The following KDM2A variants were observed in gnomAD, a reference collection of about 807,000 sequenced individuals.
KDM2A encodes lysine demethylase 2A.
KDM2A carries 3 observed loss-of-function variants against 137.3 expected under a neutral mutation model. The ratio of observed to expected loss-of-function variants is 0.02; its 90% CI spans 0.01 to 0.06. The LOEUF is 0.06. Ranked by LOEUF, KDM2A falls within the 10% of genes least tolerant of loss-of-function variation. The probability of loss-of-function intolerance (pLI) is 1.00; values close to 1 mark genes in which losing one functional copy is unlikely to be tolerated. For synonymous variants in KDM2A, 512 were observed against 541.5 expected (o/e 0.95, Z 0.76); for missense variants, 738 against 1,510.6 (o/e 0.49, Z 8.48).
rs139631145 is a variant in KDM2A, at chr11:67,177,918, A to G, written c.43-2161A>G. On this transcript the variant is annotated intron_variant, in intron 2 of 20. Coordinates refer to ENST00000529006, the MANE Select transcript of KDM2A (RefSeq NM_012308.3). The stretch of plus-strand genomic sequence containing the variant: ...ATGTCCTGATGGCAACAGTGTCACT[A>G]AGAGATAAGCATTTTTTAGTTCTAC... Among the ~76,000 whole-genome samples the G allele has an allele frequency of 1.4e-3, 208 of 152,288 alleles. 6 individuals are homozygous for G. In the East Asian group the frequency reaches 0.034, roughly 25 times the overall value.
chr11:67,233,650 CT>C, intron 12 of KDM2A, among the ~76,000 whole-genome samples: 1 of 43,358 alleles, frequency 2.3e-5, no homozygotes, highest in African/African-American at 3.6e-5. Context: ...GAAACCCTGT[CT>C]CAACAACAAC....
chr11:67,126,571 G>A (rs1343560943), intron 2 of KDM2A, among the ~76,000 whole-genome samples: 3 of 152,008 alleles, frequency 2.0e-5, no homozygotes, highest in African/African-American at 7.2e-5. Context: ...AGCCGGATGT[G>A]GTGGCAGGCG....
intron 9 of KDM2A, 74 bp from the exon 10 acceptor site, chr11:67,219,214 T>C: frequency 3.3e-6 from 2 of 601,380 alleles, no homozygotes; most frequent in East Asian, 6.5e-5. Flanking sequence ...TCTAGGGGTC[T>C]TGTACTAGTT....
chr11:67,157,832 G>T (rs1856552694), intron 2 of KDM2A, among the ~76,000 whole-genome samples: 1 of 152,000 alleles, frequency 6.6e-6, no homozygotes, highest in South Asian at 2.1e-4. Context: ...TAAGCTGGGT[G>T]TGGGTACCTG....
chr11:67,148,379 C>T (rs1448577720), intron 2 of KDM2A, among the ~76,000 whole-genome samples: 2 of 152,004 alleles, frequency 1.3e-5, no homozygotes, highest in Non-Finnish European at 2.9e-5. Flanking sequence ...TGTGATTGCA[C>T]CACTGCATTC....
At chr11:67,189,832 CTG>C (rs1775955338) in intron 5 of KDM2A, among the ~76,000 whole-genome samples, 1 of 152,028 alleles carries the variant, frequency 6.6e-6, no homozygotes, top group South Asian at 2.1e-4. Flanking sequence ...AAGTGAGACT[CTG>C]TGTCAAAAAA....
intron 5 of KDM2A, among the ~76,000 whole-genome samples, chr11:67,199,497 T>A (rs988844681): frequency 6.6e-6 from 1 of 152,290 alleles, no homozygotes; most frequent in South Asian, 2.1e-4. Context: ...AACAGCCTTA[T>A]CACTGATAAC....
rs74235910 is a variant in KDM2A, at chr11:67,205,460, T to C, written c.308-2050T>C. ...GATACATCCAGCCAGGGCAGGTGTT[T>C]GTTCGTCTTACAAGGAAGACAATAG... On this transcript the variant is annotated intron_variant, in intron 5 of 20. Transcript: ENST00000529006. Among the ~76,000 whole-genome samples, 221 of 152,250 alleles carry C rather than the reference T, an allele frequency of 1.5e-3. 4 individuals are homozygous for C. In the East Asian group the frequency reaches 0.031, roughly 22 times the overall value.
chr11:67,211,337 G>A (rs1287528955), intron 6 of KDM2A, among the ~76,000 whole-genome samples: 1 of 152,048 alleles, frequency 6.6e-6, no homozygotes. Flanking sequence ...AAATAAGCCA[G>A]GTGCGGTAGC....
intron 2 of KDM2A, among the ~76,000 whole-genome samples, chr11:67,158,310 C>T (rs1856566053): frequency 1.3e-5 from 2 of 152,122 alleles, no homozygotes; most frequent in East Asian, 3.8e-4. Flanking sequence ...TTTCATAGTT[C>T]ATTTATTCAT....
At chr11:67,180,884 A>G (rs1416082178) in intron 3 of KDM2A, among the ~76,000 whole-genome samples, 7 of 149,456 alleles carry the variant, frequency 4.7e-5, no homozygotes, top group Non-Finnish European at 3.0e-5. Flanking sequence ...CTGGTCTCGA[A>G]CTCCTGACCT....
intron 2 of KDM2A, among the ~76,000 whole-genome samples, chr11:67,132,492 G>T (rs1362045707): frequency 6.6e-6 from 1 of 152,048 alleles, no homozygotes; most frequent in Non-Finnish European, 1.5e-5. Context: ...AACTATTATT[G>T]GCCAGGCTGG....
intron 2 of KDM2A, among the ~76,000 whole-genome samples, chr11:67,145,920 C>T (rs140296738): frequency 1.3e-3 from 193 of 149,962 alleles, no homozygotes; most frequent in African/African-American, 3.9e-3. Context: ...GAACTGTATC[C>T]GGGAGATTTT....
chr11:67,245,219 G>A lies in KDM2A; in HGVS notation c.1594G>A (p.Val532Ile), dbSNP rs1460334619. 6.2e-7 allele frequency: 1 copy of A among 1,613,902 alleles called. No individual in the cohort carries two copies. Among genetic ancestry groups the A allele is most frequent in the South Asian group, 1.1e-5 (1 of 91,078 alleles). ...LKFPTRPKVR[V>I]PTIPITKPHT... ...ATTCCCCACTCGGCCAAAGGTGCGG[G>A]TTCCTACCATCCCCATTACGAAGCC... Residue 532 changes from valine (V) to isoleucine (I), a missense_variant, in exon 14 of 21, where the codon GTT becomes ATT. Physicochemically the swap from Val to Ile is conservative, Grantham distance 29 (BLOSUM62 3). Around this residue, in one of 9 missense-constraint regions of KDM2A, gnomAD observed 71 missense variants for 147.9 expected, o/e 0.48. Transcript: ENST00000529006. This position sits in a 1 kb window ranked among gnomAD's most constrained non-coding sequence, Gnocchi z 4.1.
chr11:67,239,388 A>T (rs1157146265), intron 12 of KDM2A, among the ~76,000 whole-genome samples: 1 of 152,170 alleles, frequency 6.6e-6, no homozygotes, highest in Admixed American at 6.5e-5. Flanking sequence ...AGAAGCAGGC[A>T]TCTGTTTTAG....
intron 5 of KDM2A, chr11:67,195,728 A>C (rs917082317): frequency 5.9e-6 from 1 of 170,372 alleles, no homozygotes; most frequent in Non-Finnish European, 1.3e-5. Context: ...TTAGAACTTT[A>C]GTTATATTGT....
In KDM2A at chr11:67,252,683, T is replaced by G. The variant is rs757170881; in HGVS notation, c.2769-11T>G. The stretch of plus-strand genomic sequence containing the variant: ...GTTAATGAAGGCGAGTTCTCTTCCC[T>G]TCTATCACAGGTGCTGCGACAAGAG... On this transcript the variant is annotated splice_polypyrimidine_tract_variant and intron_variant, in intron 17 of 20. Transcript: ENST00000529006. 2.5e-6 allele frequency: 4 copies of G among 1,613,854 alleles called. No homozygotes were observed. In the African/African-American group the frequency reaches 5.3e-5, roughly 22 times the overall value.
At chr11:67,157,244 C>T (rs1856536214) in intron 2 of KDM2A, among the ~76,000 whole-genome samples, 1 of 144,472 alleles carries the variant, frequency 6.9e-6, no homozygotes, top group African/African-American at 2.6e-5. Context: ...ACCCGGGAGG[C>T]GGAGCTGGCA....
chr11:67,169,759 CTT>C (rs778350678), intron 2 of KDM2A, among the ~76,000 whole-genome samples: 9 of 65,692 alleles, frequency 1.4e-4, no homozygotes, highest in African/African-American at 6.5e-4. Flanking sequence ...CTCTCTCTCT[CTT>C]TTTTTTTTTT....
Sources: gnomAD v4.1 joint callset for allele counts (sites outside exome capture counted in the v4.1 genomes callset) on GRCh38, gnomAD v4.1.1 for gene constraint, gnomAD v4.1.1 regional missense constraint, Gnocchi (gnomAD v3.1) non-coding constraint, MANE v1.5 for transcripts, NCBI Gene and HGNC (gene_info 2026-07-23, HGNC 2026-07-21) for gene names.